The following PPP1R37 variants were observed in gnomAD, a reference collection of about 807,000 sequenced individuals.
The protein encoded by PPP1R37 is protein phosphatase 1 regulatory subunit 37, also known as leucine rich repeat containing 68.
Under a neutral mutation model 61.0 loss-of-function variants are expected in PPP1R37, and 21 were observed. That is an observed-to-expected ratio of 0.34 (90% CI 0.24 to 0.50). The LOEUF (loss-of-function observed/expected upper bound fraction) is 0.50, where lower values mean the gene tolerates loss of function less well. Among genes scored for constraint, PPP1R37 ranks in the 20% least tolerant of loss-of-function variants. PPP1R37 has a pLI of 0.98. For missense variants in PPP1R37, 910 were observed against 952.7 expected (o/e 0.96, Z 0.59); for synonymous variants, 443 against 433.5 (o/e 1.02, Z -0.27).
intron 1 of PPP1R37, among the ~76,000 whole-genome samples, chr19:45,114,944 C>T (rs1568443038): frequency 6.6e-6 from 1 of 152,182 alleles, no homozygotes; most frequent in Admixed American, 6.5e-5. Context: ...CCTACACATC[C>T]CAGCAGAAAG....
At chr19:45,134,164 CTCTT>C (rs1175197392) in intron 1 of PPP1R37, among the ~76,000 whole-genome samples, 1 of 152,144 alleles carries the variant, frequency 6.6e-6, no homozygotes, top group African/African-American at 2.4e-5. Flanking sequence ...GTTTTCTCCT[CTCTT>C]TTTTTTTTCT....
intron 1 of PPP1R37, among the ~76,000 whole-genome samples, chr19:45,096,529 G>A (rs1568438012): frequency 6.6e-6 from 1 of 152,222 alleles, no homozygotes; most frequent in Non-Finnish European, 1.5e-5. Context: ...CTGTCATCCA[G>A]GCAGATTTGT....
At position 45,144,971 on chromosome 19, in the gene PPP1R37, G is replaced by T; in HGVS notation, c.1105G>T (p.Ala369Ser). Reference sequence around the variant, plus strand: ...CCGCAGCGTGCTGCGCCTCGGGCTGGCCTCCACCAAGCTCACGTGCGAGGG... The same window carrying T: ...CCGCAGCGTGCTGCGCCTCGGGCTGTCCTCCACCAAGCTCACGTGCGAGGG... ...SNRSVLRLGLASTKLTCEGAV... is the reference protein window; with the variant it reads ...SNRSVLRLGLSSTKLTCEGAV... The change falls in exon 9 of 13, where the codon GCC becomes TCC. Residue 369 changes from alanine (A) to serine (S), a missense_variant. Coordinates refer to ENST00000221462, the MANE Select transcript of PPP1R37 (RefSeq NM_019121.2). The T allele has an allele frequency of 6.5e-7, 1 of 1,535,210 alleles. No individual in the cohort carries two copies. Among genetic ancestry groups the T allele is most frequent in the South Asian group, 1.2e-5 (1 of 83,878 alleles).
chr19:45,144,526 CGG>C lies in PPP1R37; in HGVS notation c.988-326_988-325del, dbSNP rs1381161832. 13 of 345,840 alleles carry C rather than the reference CGG, an allele frequency of 3.8e-5. No homozygotes were observed. The South Asian group carries it at 8.1e-4, about 21-fold the overall frequency. 21.4% of individuals were successfully genotyped at this position (345,840 alleles called of 1,614,324 possible). The stretch of plus-strand genomic sequence containing the variant: ...GGCGAGCACTCGTGTGCTCAAACCC[CGG>C]GATAAGAGTTGCCCTCCTTGGGGGC... On this transcript the variant is annotated intron_variant, in intron 8 of 12. Transcript: ENST00000221462.
intron 1 of PPP1R37, among the ~76,000 whole-genome samples, chr19:45,094,982 C>T (rs561717914): frequency 6.6e-6 from 1 of 152,226 alleles, no homozygotes; most frequent in Non-Finnish European, 1.5e-5. Flanking sequence ...TCTGTCAGTT[C>T]TCCTGGGGTG....
rs1382731302 is a variant in PPP1R37, at chr19:45,145,449, G to C, written c.1393G>C (p.Glu465Gln). ...LVLAREREEK[E>Q]QPPQLSASMP... ...GCTGGCGCGGGAGAGGGAGGAGAAG[G>C]AGCAGCCGCCACAGCTGTCGGCCTC... The change falls in exon 11 of 13, where the codon GAG becomes CAG. Residue 465 changes from glutamate (E) to glutamine (Q), a missense_variant. Glu to Gln is a conservative substitution (Grantham distance 29, BLOSUM62 2). Transcript: ENST00000221462. 6.5e-7 allele frequency: 1 copy of C among 1,535,216 alleles called. No homozygotes were observed. The highest frequency in any genetic ancestry group is 2.0e-5 in the Admixed American group (1 of 50,984).
chr19:45,118,936 C>A (rs1968304199), intron 1 of PPP1R37, among the ~76,000 whole-genome samples: 1 of 151,994 alleles, frequency 6.6e-6, no homozygotes, highest in South Asian at 2.1e-4. Flanking sequence ...TCCTTGTGGG[C>A]CACCGCCTCT....
chr19:45,117,519 A>C (rs1004665410), intron 1 of PPP1R37, among the ~76,000 whole-genome samples: 3 of 152,088 alleles, frequency 2.0e-5, no homozygotes, highest in Non-Finnish European at 2.9e-5. Flanking sequence ...TCCTAAGCTA[A>C]TTGTGCGCCT....
rs940099917 is a variant in PPP1R37 at position 45,146,739 on chromosome 19, C to T, written c.*177C>T. On this transcript the variant is annotated 3_prime_UTR_variant, in exon 13 of 13. Transcript: ENST00000221462. ...GGGTGCAGGAGCTACAGGGAGTGGC[C>T]CTCCGCGCGTGACTCAAGCACTTCT... The T allele has an allele frequency of 9.1e-6, 4 of 437,876 alleles. No individual in the cohort carries two copies. The highest frequency in any genetic ancestry group is 2.3e-5 in the South Asian group (1 of 43,714). 27.1% of individuals were successfully genotyped at this position (437,876 alleles called of 1,614,324 possible). A position where few individuals can be genotyped will look rare whatever the true frequency, so the allele number is the denominator to read the frequency against.
intron 1 of PPP1R37, among the ~76,000 whole-genome samples, chr19:45,107,948 C>T (rs1202704988): frequency 6.6e-6 from 1 of 152,144 alleles, no homozygotes; most frequent in Non-Finnish European, 1.5e-5. Flanking sequence ...AGGTCCTTTC[C>T]AGTTTTCAGT....
rs1325430522 is a variant in PPP1R37 at position 45,145,368 on chromosome 19, G to C, written c.1312G>C (p.Glu438Gln). ...PKKEAVKSFI[E>Q]TQKALLAEIQ... is the part of the protein sequence containing the mutation. ...CCCGCCACAGGTGAAGAGCTTCATCGAGACGCAGAAGGCGCTGCTGGCCGA... is the reference window on the plus strand; with the variant it reads ...CCCGCCACAGGTGAAGAGCTTCATCCAGACGCAGAAGGCGCTGCTGGCCGA... Residue 438 changes from glutamate to glutamine, a missense_variant, in exon 11 of 13, where the codon GAG becomes CAG. Transcript: ENST00000221462. 5 of 1,535,038 alleles carry C rather than the reference G, an allele frequency of 3.3e-6. No individual in the cohort carries two copies. The highest frequency in any genetic ancestry group is 2.6e-6 in the Non-Finnish European group (3 of 1,146,400).
intron 1 of PPP1R37, among the ~76,000 whole-genome samples, chr19:45,124,535 C>T (rs781673071): frequency 6.6e-5 from 10 of 151,972 alleles, no homozygotes; most frequent in Non-Finnish European, 1.3e-4. Context: ...CAGTCCAGTG[C>T]GTGCACGGCC....
Position 45,140,500 on chromosome 19 carries a change from C to A in PPP1R37, c.347-6C>A. On this transcript the variant is annotated splice_region_variant and splice_polypyrimidine_tract_variant and intron_variant, in intron 3 of 12. Transcript: ENST00000221462. ...AGACATGCGCACGGCTGCTGTCTCC[C>A]CCCAGGTGAGAAGCTTGACTACAAG... The A allele has an allele frequency of 1.3e-6, 2 of 1,534,342 alleles. No individual in the cohort carries two copies. Among genetic ancestry groups the A allele is most frequent in the Non-Finnish European group, 1.7e-6 (2 of 1,145,324 alleles).
At chr19:45,116,541 C>A (rs1208703519) in intron 1 of PPP1R37, among the ~76,000 whole-genome samples, 1 of 152,202 alleles carries the variant, frequency 6.6e-6, no homozygotes, top group Non-Finnish European at 1.5e-5. Flanking sequence ...CTGAGGAGGG[C>A]ACGGGGGTCT....
At position 45,135,628 on chromosome 19, in the gene PPP1R37, T is replaced by G. The variant is rs140440248; in HGVS notation, c.203-2886T>G. ...GGCTTCAGCCGCCACAGAGGACAGC[T>G]TAGGGTGGGCCTGGCCTGGCTCCCT... On this transcript the variant is annotated intron_variant, in intron 1 of 12. Coordinates refer to ENST00000221462, the MANE Select transcript of PPP1R37 (RefSeq NM_019121.2). 6.5e-4 allele frequency among the ~76,000 whole-genome samples: 99 copies of G among 152,312 alleles called. 1 individual carries two copies. The highest frequency in any genetic ancestry group is 2.3e-3 in the African/African-American group (96 of 41,562).
intron 1 of PPP1R37, among the ~76,000 whole-genome samples, chr19:45,109,682 C>A (rs1968175701): frequency 6.6e-6 from 1 of 152,198 alleles, no homozygotes; most frequent in Non-Finnish European, 1.5e-5. Flanking sequence ...TCAGCAAGTC[C>A]CAGGAGCCTC....
Position 45,145,643 on chromosome 19 carries a change from T to A in PPP1R37, c.1587T>A (p.Pro529=). 6.5e-7 allele frequency: 1 copy of A among 1,535,586 alleles called. No homozygotes were observed. Among genetic ancestry groups the A allele is most frequent in the Non-Finnish European group, 8.7e-7 (1 of 1,146,606 alleles). Residue 529 remains proline, a synonymous_variant, in exon 11 of 13, where the codon CCT becomes CCA. Coordinates refer to ENST00000221462, the MANE Select transcript of PPP1R37 (RefSeq NM_019121.2). ...EEGERDETPC[P]ALVPPTDSLG... ...GGGAGAGGGACGAGACCCCCTGTCC[T>A]GCCCTGGTGCCCCCCACGGACTCCC...
intron 1 of PPP1R37, among the ~76,000 whole-genome samples, chr19:45,131,814 C>T (rs1228049001): frequency 6.6e-6 from 1 of 152,202 alleles, no homozygotes; most frequent in African/African-American, 2.4e-5. Flanking sequence ...CCACCACCAT[C>T]ATCACGTTTT....
chr19:45,124,483 G>A (rs957885549), intron 1 of PPP1R37, among the ~76,000 whole-genome samples: 1 of 152,054 alleles, frequency 6.6e-6, no homozygotes, highest in African/African-American at 2.4e-5. Context: ...GCTGAAGGGC[G>A]GCCCCTGAGA....
Sources: allele counts gnomAD v4.1 joint callset (sites outside exome capture counted in the v4.1 genomes callset), GRCh38; gene constraint gnomAD v4.1.1; transcripts MANE v1.5; gene names NCBI Gene and HGNC (gene_info 2026-07-23, HGNC 2026-07-21).